Variants in DDX24 observed in about 807,000 individuals in gnomAD.
DDX24 encodes DEAD-box helicase 24.
In DDX24, 24 loss-of-function variants were observed where a neutral mutation model predicts 68.9. The observed-to-expected ratio is 0.35, with a 90% confidence interval of 0.25 to 0.49. DDX24 has a LOEUF of 0.49. Among genes scored for constraint, DDX24 ranks in the 20% least tolerant of loss-of-function variants. DDX24 has a pLI of 0.99. For missense variants in DDX24, 989 were observed against 1,039.0 expected, an observed-to-expected ratio of 0.95 and a Z score of 0.66; for synonymous variants, 395 against 385.2, an observed-to-expected ratio of 1.03 and a Z score of -0.30.
At chr14:94,070,830 C>T (rs1885813173) in intron 2 of DDX24, among the ~76,000 whole-genome samples, 1 of 152,168 alleles carries the variant, frequency 6.6e-6, no homozygotes, top group Non-Finnish European at 1.5e-5. Flanking sequence ...AAACTGGATC[C>T]TCATCTCTCA....
intron 4 of DDX24, 124 bp downstream of exon 4, chr14:94,060,789 C>T: frequency 1.3e-6 from 2 of 1,481,804 alleles, no homozygotes; most frequent in South Asian, 2.7e-5. Flanking sequence ...TTCTAAAGGC[C>T]AGGGTCTGGA....
chr14:94,059,629 A>T (rs1012502475), intron 5 of DDX24, among the ~76,000 whole-genome samples: 1 of 152,250 alleles, frequency 6.6e-6, no homozygotes, highest in African/African-American at 2.4e-5. Flanking sequence ...AATGGGTTCT[A>T]TTATTATCCA....
intron 7 of DDX24, among the ~76,000 whole-genome samples, chr14:94,054,641 C>T (rs986124381): frequency 8.5e-5 from 13 of 152,218 alleles, no homozygotes; most frequent in African/African-American, 3.1e-4. Flanking sequence ...CAGGGATGTG[C>T]CAAACCTGTA....
chr14:94,076,384 C>G (rs1215384510), intron 2 of DDX24, among the ~76,000 whole-genome samples: 1 of 152,064 alleles, frequency 6.6e-6, no homozygotes, highest in Non-Finnish European at 1.5e-5. Context: ...ATATAAAATT[C>G]TAGAAAACGC....
chr14:94,058,432 CTT>C (rs1460256973), intron 5 of DDX24, among the ~76,000 whole-genome samples: 1 of 152,198 alleles, frequency 6.6e-6, no homozygotes, highest in Non-Finnish European at 1.5e-5. Context: ...TACCCAATCT[CTT>C]TTCTCCAACC....
At chr14:94,051,554 G>T in intron 8 of DDX24, 92 bp from the exon 9 acceptor site, 2 of 1,471,168 alleles carry the variant, frequency 1.4e-6, no homozygotes, top group South Asian at 1.4e-5. Context: ...AAATGTTTTA[G>T]AACTACTTTA....
rs551300592 is a variant in DDX24, at chr14:94,066,587, A to G, written c.719-3966T>C. Among the ~76,000 whole-genome samples, 99 of 152,122 alleles carry G rather than the reference A, an allele frequency of 6.5e-4. 1 individual carries two copies. In the South Asian group the frequency reaches 0.02, roughly 31 times the overall value. ...TAAGCACCCTCACAGAGTCCAACAC[A>G]CCCTCAGCCATCTCCACCGGAACAG... On this transcript the variant is annotated intron_variant, in intron 2 of 8. Transcript: ENST00000621632.
rs144117428 is a variant in DDX24 at position 94,049,823 on chromosome 14, A to G, written c.*1368T>C. On this transcript the variant is annotated 3_prime_UTR_variant, in exon 9 of 9. Transcript: ENST00000621632. ...GGCGGGAGGACTGCCTGGGCCCAGG[A>G]GTGTGAGGTTGCAGTGAGCTGTGAT... 1 of 151,868 alleles carries G rather than the reference A, an allele frequency of 6.6e-6. No homozygotes were observed. The highest frequency in any genetic ancestry group is 2.4e-5 in the African/African-American group (1 of 41,362). 9.4% of individuals were successfully genotyped at this position (151,868 alleles called of 1,614,324 possible). A position where few individuals can be genotyped will look rare whatever the true frequency, so the allele number is the denominator to read the frequency against.
In DDX24 at chr14:94,051,059, A is replaced by G. The variant is rs1885377035; in HGVS notation, c.*132T>C. 9.5e-7 allele frequency: 1 copy of G among 1,047,336 alleles called. No individual in the cohort carries two copies. The allele number at this position is 1,047,336 out of a possible 1,614,324, so 64.9% of individuals were successfully genotyped here. On this transcript the variant is annotated 3_prime_UTR_variant, in exon 9 of 9. Coordinates refer to ENST00000621632, the MANE Select transcript of DDX24 (RefSeq NM_020414.4). Reference sequence around the variant, plus strand: ...AAATCTGCATGAGGTCTCTCCCGCTATGGGTGTGAGTGGAAGAGAGGGAGA... The same window carrying G: ...AAATCTGCATGAGGTCTCTCCCGCTGTGGGTGTGAGTGGAAGAGAGGGAGA...
intron 5 of DDX24, among the ~76,000 whole-genome samples, chr14:94,059,479 T>C (rs982490448): frequency 3.3e-5 from 5 of 152,224 alleles, no homozygotes; most frequent in African/African-American, 1.2e-4. Context: ...TAAATGAGAA[T>C]AGTGATAATG....
chr14:94,073,121 T>C (rs1348999538), intron 2 of DDX24, among the ~76,000 whole-genome samples: 1 of 149,570 alleles, frequency 6.7e-6, no homozygotes, highest in Non-Finnish European at 1.5e-5. Context: ...AGTCTCACTC[T>C]GTCACCCAGG....
At chr14:94,053,948 C>A (rs1312855234) in intron 7 of DDX24, among the ~76,000 whole-genome samples, 2 of 152,202 alleles carry the variant, frequency 1.3e-5, no homozygotes, top group Admixed American at 6.5e-5. Flanking sequence ...AACCATTACC[C>A]GTCTGTGTGT....
chr14:94,067,202 C>T (rs559583157), intron 2 of DDX24, among the ~76,000 whole-genome samples: 1 of 152,176 alleles, frequency 6.6e-6, no homozygotes, highest in African/African-American at 2.4e-5. Flanking sequence ...TGGGGAAAGT[C>T]TCAGCAATAG....
At position 94,079,441 on chromosome 14, in the gene DDX24, A is replaced by T. The variant is rs751579341; in HGVS notation, c.302T>A (p.Leu101Ter). The change falls in exon 2 of 9, where the codon TTG becomes TAG. Residue 101 changes from leucine to a stop codon, truncating the protein, a stop_gained. Coordinates refer to ENST00000621632, the MANE Select transcript of DDX24 (RefSeq NM_020414.4). LOFTEE classifies it high-confidence loss of function. ...AGTTGCTACATTTTTACTTTTCTTC[A>T]ACTTGATCTTTTTCTTTGGTGAGCT... ...KSSSPKKKIK[L>*]KKSKNVATEG... is the part of the protein sequence containing the mutation. 9 of 1,613,402 alleles carry T rather than the reference A, an allele frequency of 5.6e-6. No homozygotes were observed.
intron 2 of DDX24, among the ~76,000 whole-genome samples, chr14:94,075,834 T>A (rs2141436318): frequency 6.6e-6 from 1 of 152,264 alleles, no homozygotes; most frequent in South Asian, 2.1e-4. Flanking sequence ...ATTTTAAAAA[T>A]GGGCAAAATA....
intron 2 of DDX24, among the ~76,000 whole-genome samples, chr14:94,065,821 TAGA>T (rs1353368799): frequency 4.6e-5 from 7 of 151,830 alleles, no homozygotes; most frequent in Non-Finnish European, 7.4e-5. Context: ...AATACAGGGG[TAGA>T]AGAAGCAGCA....
chr14:94,055,509 T>C (rs773924501), intron 6 of DDX24: 2 of 340,626 alleles, frequency 5.9e-6, no homozygotes, highest in African/African-American at 2.0e-5. Context: ...ATCCCTGGGT[T>C]ATACGGTCTC....
chr14:94,062,676 A>G (rs553050465), intron 2 of DDX24, 55 bp from the exon 3 acceptor site: 9 of 1,536,168 alleles, frequency 5.9e-6, no homozygotes, highest in African/African-American at 1.4e-5. Context: ...ACAGATGAAC[A>G]TACTTTAGTC....
intron 1 of DDX24, 123 bp downstream of exon 1, chr14:94,080,996 C>T (rs1344276066): frequency 6.6e-6 from 1 of 152,242 alleles, no homozygotes; most frequent in East Asian, 1.9e-4. Context: ...CGGCTTGGGC[C>T]GGCGGCCGCC....
Sources: allele counts gnomAD v4.1 joint callset (sites outside exome capture counted in the v4.1 genomes callset), GRCh38; gene constraint gnomAD v4.1.1; transcripts MANE v1.5; gene names NCBI Gene and HGNC (gene_info 2026-07-23, HGNC 2026-07-21).